Variants in CLEC16A observed in about 807,000 individuals in gnomAD.
CLEC16A encodes protein CLEC16A.
Under a neutral mutation model 109.5 loss-of-function variants are expected in CLEC16A, and 51 were observed. The observed-to-expected ratio is 0.47, with a 90% CI of 0.37 to 0.59. The LOEUF (loss-of-function observed/expected upper bound fraction) is 0.59. Among genes scored for constraint, CLEC16A ranks in the 20% least tolerant of loss-of-function variants. The probability of loss-of-function intolerance (pLI) is 0.00; values close to 1 mark genes in which losing one functional copy is unlikely to be tolerated. For missense variants in CLEC16A, 1,339 were observed against 1,394.0 expected (o/e 0.96, Z 0.63); for synonymous variants, 673 against 564.2 (o/e 1.19, Z -2.73).
intron 22 of CLEC16A, among the ~76,000 whole-genome samples, chr16:11,148,015 C>T (rs892420918): frequency 2.6e-5 from 4 of 152,196 alleles, no homozygotes; most frequent in African/African-American, 9.7e-5. Flanking sequence ...AAATAGCCTC[C>T]TGTTTCCTTT....
chr16:11,010,993 A>G (rs1225343232), intron 11 of CLEC16A, among the ~76,000 whole-genome samples: 1 of 152,164 alleles, frequency 6.6e-6, no homozygotes, highest in African/African-American at 2.4e-5. Flanking sequence ...TGCACTTCTC[A>G]GGGTGTCACA....
chr16:11,010,371 G>C (rs889424424), intron 11 of CLEC16A, among the ~76,000 whole-genome samples: 3 of 152,014 alleles, frequency 2.0e-5, no homozygotes, highest in Admixed American at 6.5e-5. Context: ...TTTTGTAGTT[G>C]CTTTCTATTT....
intron 10 of CLEC16A, among the ~76,000 whole-genome samples, chr16:11,002,233 C>T (rs1016233740): frequency 6.6e-6 from 1 of 152,170 alleles, no homozygotes; most frequent in Non-Finnish European, 1.5e-5. Context: ...CAAGTGAGAT[C>T]ATATAGTCAG....
At chr16:11,100,882 C>T (rs1180761675) in intron 19 of CLEC16A, among the ~76,000 whole-genome samples, 1 of 152,140 alleles carries the variant, frequency 6.6e-6, no homozygotes, top group Non-Finnish European at 1.5e-5. Flanking sequence ...GTTGAATATA[C>T]CTTTCCATTG....
chr16:10,993,252 A>G (rs1003245555), intron 10 of CLEC16A, among the ~76,000 whole-genome samples: 3 of 152,050 alleles, frequency 2.0e-5, no homozygotes, highest in Non-Finnish European at 4.4e-5. Context: ...GATGATGCGT[A>G]CCTGTGATTC....
At chr16:11,004,221 C>G (rs1273239008) in intron 11 of CLEC16A, among the ~76,000 whole-genome samples, 1 of 152,126 alleles carries the variant, frequency 6.6e-6, no homozygotes, top group African/African-American at 2.4e-5. Flanking sequence ...ATCATTTACT[C>G]TTGGGATTAA....
chr16:10,986,594 T>C (rs12448611), intron 10 of CLEC16A, among the ~76,000 whole-genome samples: 63,100 of 151,896 alleles, frequency 0.42, 14,750 homozygotes, highest in East Asian at 0.7. Context: ...TCTGCATGAG[T>C]TTGACAATTT....
chr16:10,947,674 C>T (rs1158225720), intron 1 of CLEC16A, among the ~76,000 whole-genome samples: 3 of 152,058 alleles, frequency 2.0e-5, no homozygotes, highest in Non-Finnish European at 2.9e-5. Flanking sequence ...TTTGCCTGGG[C>T]TGAGGGGTTT....
intron 4 of CLEC16A, among the ~76,000 whole-genome samples, chr16:10,970,157 A>C (rs1315552410): frequency 1.3e-5 from 2 of 152,202 alleles, no homozygotes; most frequent in African/African-American, 4.8e-5. Context: ...AGTATCAGCG[A>C]GGACCCAGGC....
At chr16:11,066,023 C>T (rs2048735681) in intron 19 of CLEC16A, among the ~76,000 whole-genome samples, 1 of 152,192 alleles carries the variant, frequency 6.6e-6, no homozygotes, top group Non-Finnish European at 1.5e-5. Context: ...CTAGAAAGGC[C>T]TGCAGCAGGG....
intron 7 of CLEC16A, among the ~76,000 whole-genome samples, chr16:10,973,525 G>A (rs1482739503): frequency 1.3e-5 from 2 of 152,174 alleles, no homozygotes; most frequent in South Asian, 2.1e-4. Context: ...CCTAGGGCTA[G>A]GATGTTGTGT....
intron 22 of CLEC16A, among the ~76,000 whole-genome samples, chr16:11,155,380 C>T (rs551190256): frequency 1.6e-4 from 24 of 152,366 alleles, no homozygotes; most frequent in Admixed American, 5.2e-4. Context: ...GCACTCTCCT[C>T]ACCACCGTAT....
chr16:10,945,985 G>A (rs1452089080), intron 1 of CLEC16A, among the ~76,000 whole-genome samples: 1 of 152,192 alleles, frequency 6.6e-6, no homozygotes, highest in Non-Finnish European at 1.5e-5. Context: ...GTGGAAAAAT[G>A]AATGATTGAA....
chr16:11,080,851 G>T (rs1301853182), intron 19 of CLEC16A, among the ~76,000 whole-genome samples: 1 of 152,204 alleles, frequency 6.6e-6, no homozygotes, highest in African/African-American at 2.4e-5. Flanking sequence ...GCCTGTCCAG[G>T]TAATCCAAGA....
At chr16:10,969,135 C>T (rs777595660) in intron 3 of CLEC16A, 26 bp from the exon 4 acceptor site, 2 of 1,586,422 alleles carry the variant, frequency 1.3e-6, no homozygotes, top group Non-Finnish European at 1.7e-6. Flanking sequence ...CATGAGTTAA[C>T]CTGTTTTGTT....
intron 19 of CLEC16A, among the ~76,000 whole-genome samples, chr16:11,120,146 G>A (rs1597450666): frequency 6.6e-6 from 1 of 152,112 alleles, no homozygotes; most frequent in Non-Finnish European, 1.5e-5. Flanking sequence ...ATCTTTTGTA[G>A]TTTTAGTAGA....
chr16:11,164,969 G>A (rs949994663), intron 22 of CLEC16A, among the ~76,000 whole-genome samples: 1 of 152,124 alleles, frequency 6.6e-6, no homozygotes, highest in African/African-American at 2.4e-5. Context: ...TGAGGAGTGG[G>A]AAGGCTGCAG....
chr16:11,013,151 T>A (rs559849542), intron 11 of CLEC16A, among the ~76,000 whole-genome samples: 1 of 152,228 alleles, frequency 6.6e-6, no homozygotes, highest in Non-Finnish European at 1.5e-5. Context: ...AGACTCCACA[T>A]AGACGGTGGC....
chr16:11,165,214 G>A (rs927082338), intron 22 of CLEC16A, among the ~76,000 whole-genome samples: 3 of 152,136 alleles, frequency 2.0e-5, no homozygotes, highest in African/African-American at 7.2e-5. Context: ...GTATCGGCCA[G>A]GTGTGGTGAC....
Sources: gnomAD v4.1 joint callset for allele counts (sites outside exome capture counted in the v4.1 genomes callset) on GRCh38, gnomAD v4.1.1 for gene constraint, MANE v1.5 for transcripts, NCBI Gene and HGNC (gene_info 2026-07-23, HGNC 2026-07-21) for gene names.